Variants in NAV3 observed in about 807,000 individuals in gnomAD.
NAV3 encodes neuron navigator 3, also known as pore membrane and/or filament interacting like protein 1.
A neutral mutation model predicts 244.7 loss-of-function variants in NAV3; 87 were observed. That is an observed-to-expected ratio of 0.36 (90% CI 0.30 to 0.42). NAV3 has a LOEUF of 0.42. NAV3 is among the 20% of genes least tolerant of loss of function. The pLI, the probability that NAV3 is intolerant of heterozygous loss-of-function variation, is 1.00. For missense variants in NAV3, 2,663 were observed against 2,893.3 expected (o/e 0.92, Z 1.83); for synonymous variants, 1,126 against 1,042.2 (o/e 1.08, Z -1.55).
intron 1 of NAV3, among the ~76,000 whole-genome samples, chr12:77,874,338 C>T (rs1245670506): frequency 6.6e-6 from 1 of 152,014 alleles, no homozygotes; most frequent in Non-Finnish European, 1.5e-5. Context: ...CCAGCCTCAG[C>T]CTCCCAAGTA....
At chr12:77,765,267 T>C (rs1215235423) in intron 2 of NAV3, among the ~76,000 whole-genome samples, 1 of 152,216 alleles carries the variant, frequency 6.6e-6, no homozygotes, top group East Asian at 1.9e-4. Flanking sequence ...CTATTGCCTC[T>C]CAAAATATCA....
At chr12:77,828,623 G>A (rs926613286), upstream of NAV3, among the ~76,000 whole-genome samples, 2 of 152,014 alleles carry the variant, frequency 1.3e-5, no homozygotes, top group Non-Finnish European at 2.9e-5. Flanking sequence ...GATAAATTGA[G>A]ATGACAACTC....
chr12:77,656,609 T>C (rs1873117330), intron 2 of NAV3, among the ~76,000 whole-genome samples: 1 of 133,880 alleles, frequency 7.5e-6, no homozygotes, highest in South Asian at 2.4e-4. Context: ...CAAGCGGACC[T>C]AATAGACATC....
intron 2 of NAV3, among the ~76,000 whole-genome samples, chr12:77,781,286 T>A (rs1436192718): frequency 1.3e-5 from 2 of 152,144 alleles, no homozygotes; most frequent in African/African-American, 4.8e-5. Context: ...ACATGCCTCT[T>A]TTTACCCTCC....
At chr12:77,941,024 C>A in intron 2 of NAV3, 57 bp from the exon 3 acceptor site, 2 of 1,111,368 alleles carry the variant, frequency 1.8e-6, no homozygotes, top group Non-Finnish European at 2.7e-6. Flanking sequence ...TGTTTCACTT[C>A]ATTGCTTAAG....
chr12:78,187,804 A>T (rs1440253249), intron 31 of NAV3, among the ~76,000 whole-genome samples: 1 of 151,904 alleles, frequency 6.6e-6, no homozygotes, highest in East Asian at 1.9e-4. Context: ...CAAAGGTAAG[A>T]TCACAAAATA....
At position 77,778,408 on chromosome 12, in the gene NAV3, C is replaced by T. The variant is rs996186665; in HGVS notation, c.73-161911C>T. On this transcript the variant is annotated intron_variant, in intron 2 of 8. Transcript: ENST00000550042. ...CAGGTGGATCACGAGGTCAGGAGGT[C>T]GAGACAATCCTGGCTAACACGGTGA... Among the ~76,000 whole-genome samples the T allele has an allele frequency of 2.0e-5, 3 of 151,156 alleles. No individual in the cohort carries two copies. In the South Asian group the frequency reaches 6.3e-4, roughly 32 times the overall value.
chr12:77,595,013 T>G (rs1870103703), intron 2 of NAV3, among the ~76,000 whole-genome samples: 1 of 152,054 alleles, frequency 6.6e-6, no homozygotes, highest in African/African-American at 2.4e-5. Flanking sequence ...CTCAAAAAAT[T>G]AAAAATAGAA....
At chr12:78,198,561 T>G in intron 35 of NAV3, 44 bp from the exon 36 acceptor site, 1 of 1,188,676 alleles carries the variant, frequency 8.4e-7, no homozygotes, top group Middle Eastern at 2.0e-4. Context: ...AATTAATCAC[T>G]TTTACCTCCA....
At chr12:78,177,098 A>C in intron 26 of NAV3, 43 bp from the exon 27 acceptor site, 2 of 1,609,818 alleles carry the variant, frequency 1.2e-6, no homozygotes, top group Middle Eastern at 1.7e-4. Context: ...AAAGCTCTCC[A>C]AGTGCAAATA....
At chr12:78,193,349 A>C (rs1000980919) in intron 34 of NAV3, among the ~76,000 whole-genome samples, 1 of 152,166 alleles carries the variant, frequency 6.6e-6, no homozygotes, top group Admixed American at 6.6e-5. Flanking sequence ...CTAGAGGTGG[A>C]TTTAGTAGAG....
In NAV3 at chr12:77,992,503, T is replaced by A. The variant is rs118182393; in HGVS notation, c.672-2300T>A. ...GAAATAAAGAAATTTAAGTAAGGAG[T>A]TTATTGAGAGCTGGAGAATAAAAGA... is the stretch of plus-strand genomic sequence containing the variant. On this transcript the variant is annotated intron_variant, in intron 5 of 39. Transcript: ENST00000397909. Among the ~76,000 whole-genome samples the A allele has an allele frequency of 4.5e-3, 690 of 151,890 alleles. 1 individual carries two copies. The highest frequency in any genetic ancestry group is 5.4e-3 in the Non-Finnish European group (367 of 67,958).
intron 1 of NAV3, among the ~76,000 whole-genome samples, chr12:77,872,885 C>T (rs991002861): frequency 7.9e-5 from 12 of 152,074 alleles, no homozygotes; most frequent in Admixed American, 5.2e-4. Flanking sequence ...TTTTTACAAA[C>T]CTTTATCCCT....
chr12:78,000,773 G>A (rs1873139981), intron 7 of NAV3, among the ~76,000 whole-genome samples: 1 of 150,886 alleles, frequency 6.6e-6, no homozygotes, highest in Admixed American at 6.6e-5. Flanking sequence ...AAAGTGCTGG[G>A]ATTACAGGCG....
intron 12 of NAV3, among the ~76,000 whole-genome samples, chr12:78,063,954 A>G (rs1566081372): frequency 1.3e-5 from 2 of 152,156 alleles, no homozygotes; most frequent in Non-Finnish European, 1.5e-5. Flanking sequence ...AAGTTTAATT[A>G]GTTTTATTTC....
chr12:78,037,727 AG>A (rs1283004332), intron 9 of NAV3, among the ~76,000 whole-genome samples: 1 of 152,174 alleles, frequency 6.6e-6, no homozygotes, highest in African/African-American at 2.4e-5. Context: ...TACTCATTAA[AG>A]GGGCCTATTT....
intron 1 of NAV3, among the ~76,000 whole-genome samples, chr12:77,926,543 T>A (rs1888243848): frequency 6.6e-6 from 1 of 152,232 alleles, no homozygotes. Flanking sequence ...ACTTTTCACT[T>A]ACATTAAAAT....
intron 1 of NAV3, among the ~76,000 whole-genome samples, chr12:77,905,872 A>G (rs1023493544): frequency 6.6e-6 from 1 of 152,172 alleles, no homozygotes; most frequent in Non-Finnish European, 1.5e-5. Context: ...GAACATTTAG[A>G]TTGCTGTTAA....
At chr12:78,037,344 A>T (rs1218359602) in intron 9 of NAV3, 1 of 702,820 alleles carries the variant, frequency 1.4e-6, no homozygotes, top group African/African-American at 1.7e-5. Flanking sequence ...GATCCTTACC[A>T]TGCTGGGTGA....
Sources: allele counts gnomAD v4.1 joint callset (sites outside exome capture counted in the v4.1 genomes callset), GRCh38; gene constraint gnomAD v4.1.1; transcripts MANE v1.5; gene names NCBI Gene and HGNC (gene_info 2026-07-23, HGNC 2026-07-21).